The following MTURN variants were observed in gnomAD, a reference collection of about 807,000 sequenced individuals.
The protein encoded by MTURN is maturin, neural progenitor differentiation regulator homolog, also known as maturin.
In MTURN, 7 loss-of-function variants were observed where a neutral mutation model predicts 14.9. The observed-to-expected ratio is 0.47, with a 90% confidence interval of 0.27 to 0.88. MTURN has a LOEUF of 0.88. MTURN is among the 40% of genes least tolerant of loss of function. The pLI is 0.14. For synonymous variants in MTURN, 69 were observed against 72.5 expected (o/e 0.95, Z 0.25); for missense variants, 151 against 174.1 (o/e 0.87, Z 0.75).
chr7:30,155,557 G>C (rs1310994057), intron 2 of MTURN, among the ~76,000 whole-genome samples: 6 of 152,170 alleles, frequency 3.9e-5, no homozygotes, highest in African/African-American at 1.4e-4. Flanking sequence ...GCACACTCAA[G>C]ATTGGAGCAC....
intron 2 of MTURN, among the ~76,000 whole-genome samples, chr7:30,147,882 A>G (rs1797151473): frequency 6.6e-6 from 1 of 152,242 alleles, no homozygotes; most frequent in Non-Finnish European, 1.5e-5. Context: ...CATTCAAAAT[A>G]GATACTTGAC....
chr7:30,155,506 A>G (rs1376775366), intron 2 of MTURN, among the ~76,000 whole-genome samples: 1 of 152,180 alleles, frequency 6.6e-6, no homozygotes, highest in Admixed American at 6.5e-5. Context: ...TAAAATCTGC[A>G]AGGGAGACAG....
At chr7:30,150,322 C>T (rs1797189164) in intron 2 of MTURN, among the ~76,000 whole-genome samples, 1 of 152,118 alleles carries the variant, frequency 6.6e-6, no homozygotes, top group Non-Finnish European at 1.5e-5. Context: ...AGAGAGAAAA[C>T]AATTTGCTAA....
At chr7:30,138,451 G>A (rs1797000231) in intron 1 of MTURN, among the ~76,000 whole-genome samples, 1 of 152,076 alleles carries the variant, frequency 6.6e-6, no homozygotes, top group Non-Finnish European at 1.5e-5. Context: ...AAATCGGGAT[G>A]ATAATATTAG....
Position 30,146,300 on chromosome 7 carries a change from G to A in MTURN, c.285+1G>A. 6.2e-7 allele frequency: 1 copy of A among 1,613,880 alleles called. No homozygotes were observed. Among genetic ancestry groups the A allele is most frequent in the South Asian group, 1.1e-5 (1 of 91,086 alleles). ...AAAAGTCTTCAAGTCTTTCAGACCTGTAGGTGCCTGCTTGGCTTCTCACCA... is the reference window on the plus strand; with the variant it reads ...AAAAGTCTTCAAGTCTTTCAGACCTATAGGTGCCTGCTTGGCTTCTCACCA... On this transcript the variant is annotated splice_donor_variant, in intron 2 of 2. Transcript: ENST00000324453. LOFTEE classifies it high-confidence loss of function.
At chr7:30,143,696 A>G (rs1797088178) in intron 1 of MTURN, among the ~76,000 whole-genome samples, 1 of 152,174 alleles carries the variant, frequency 6.6e-6, no homozygotes, top group South Asian at 2.1e-4. Context: ...TTTCGTGGGT[A>G]TTAAGTCTTC....
intron 1 of MTURN, among the ~76,000 whole-genome samples, chr7:30,144,365 AAGT>A (rs1162438352): frequency 9.9e-5 from 15 of 152,242 alleles, no homozygotes; most frequent in Non-Finnish European, 4.4e-5. Flanking sequence ...AGAACTTACT[AAGT>A]AGAACTTTTG....
chr7:30,156,381 C>T (rs1338979584), intron 2 of MTURN, among the ~76,000 whole-genome samples: 2 of 151,910 alleles, frequency 1.3e-5, no homozygotes, highest in African/African-American at 4.8e-5. Flanking sequence ...TTAAGAACTC[C>T]GGGTCAGGTG....
chr7:30,140,415 G>GTGTGTGTATATATATATATATATA (rs33952294), intron 1 of MTURN, among the ~76,000 whole-genome samples: 3,674 of 143,766 alleles, frequency 0.026, 93 homozygotes, highest in Admixed American at 0.059. Flanking sequence ...GTGTGTGTGT[G>GTGTGTGTATATATATATATATATA]TATCCCCATT....
chr7:30,145,782 GTAGCTGAAAGCAAA>G (rs776386496), intron 1 of MTURN: 70 of 1,437,808 alleles, frequency 4.9e-5, no homozygotes, highest in Non-Finnish European at 6.3e-5. Context: ...TCTTTCAGCC[GTAGCTGAAAGCAAA>G]GTTAAGGATT....
chr7:30,145,875 C>G, intron 1 of MTURN: 1 of 1,551,444 alleles, frequency 6.4e-7, no homozygotes, highest in Non-Finnish European at 8.7e-7. Context: ...ACAAGGTGAA[C>G]AGTGGAAATC....
intron 2 of MTURN, among the ~76,000 whole-genome samples, chr7:30,154,199 G>A (rs1463026670): frequency 6.6e-6 from 1 of 152,058 alleles, no homozygotes; most frequent in Non-Finnish European, 1.5e-5. Context: ...CTGGACAGAA[G>A]AACCACGTGG....
chr7:30,154,944 GGGTCTTTTTCAATAA>G (rs2128033838), intron 2 of MTURN, among the ~76,000 whole-genome samples: 1 of 152,288 alleles, frequency 6.6e-6, no homozygotes, highest in East Asian at 1.9e-4. Context: ...TTGGTTTCCT[GGGTCTTTTTCAATAA>G]GGTACCCTAA....
At chr7:30,152,898 A>C (rs2128033364) in intron 2 of MTURN, among the ~76,000 whole-genome samples, 1 of 152,284 alleles carries the variant, frequency 6.6e-6, no homozygotes, top group East Asian at 1.9e-4. Flanking sequence ...GTTTGGATAG[A>C]TGGGCCCCAG....
At chr7:30,156,314 C>A (rs1470513566) in intron 2 of MTURN, among the ~76,000 whole-genome samples, 1 of 151,838 alleles carries the variant, frequency 6.6e-6, no homozygotes, top group Non-Finnish European at 1.5e-5. Context: ...TAAAAAAAAC[C>A]TTAAAATTGG....
chr7:30,145,718 C>T, intron 1 of MTURN: 1 of 1,080,556 alleles, frequency 9.3e-7, no homozygotes, highest in South Asian at 1.8e-5. Flanking sequence ...ACAGGCCGAT[C>T]TGGGTAAAGA....
chr7:30,138,544 T>C (rs1797001592), intron 1 of MTURN, among the ~76,000 whole-genome samples: 1 of 152,122 alleles, frequency 6.6e-6, no homozygotes, highest in Non-Finnish European at 1.5e-5. Context: ...TTTTTCATCG[T>C]GTCTCCTAAT....
chr7:30,157,489 G>C lies in MTURN; in HGVS notation c.337G>C (p.Asp113His). The change falls in exon 3 of 3, where the codon GAC becomes CAC. Residue 113 changes from aspartate to histidine, a missense_variant. Asp to His is a moderately conservative substitution (Grantham distance 81, BLOSUM62 -1). Transcript: ENST00000324453. ...DDDAFEEYSA[D>H]VEEEEPEADH... ...CGATGCGTTTGAAGAGTACAGTGCT[G>C]ACGTGGAAGAAGAGGAGCCAGAGGC... 6.2e-7 allele frequency: 1 copy of C among 1,607,564 alleles called. No individual in the cohort carries two copies. Among genetic ancestry groups the C allele is most frequent in the Non-Finnish European group, 8.5e-7 (1 of 1,177,306 alleles).
chr7:30,152,798 T>G, intron 2 of MTURN, among the ~76,000 whole-genome samples: 1 of 152,192 alleles, frequency 6.6e-6, no homozygotes, highest in East Asian at 1.9e-4. Context: ...CCAAAAGACC[T>G]GTAGTCGGCC....
Sources: gnomAD v4.1 joint callset for allele counts (sites outside exome capture counted in the v4.1 genomes callset) on GRCh38, gnomAD v4.1.1 for gene constraint, MANE v1.5 for transcripts, NCBI Gene and HGNC (gene_info 2026-07-23, HGNC 2026-07-21) for gene names.